ELFN1: variants seen among roughly 807,000 people sequenced by gnomAD.
ELFN1 encodes extracellular leucine rich repeat and fibronectin type III domain containing 1.
A neutral mutation model predicts 7.6 loss-of-function variants in ELFN1; 6 were observed. The observed-to-expected ratio is 0.79, with a 90% CI of 0.43 to 1.56. The LOEUF (loss-of-function observed/expected upper bound fraction) is 1.56, where lower values mean the gene tolerates loss of function less well. Among genes scored for constraint, ELFN1 ranks in the 40% most tolerant of loss-of-function variants. ELFN1 has a pLI of 0.01. For missense variants in ELFN1, 1,169 were observed against 1,232.2 expected (o/e 0.95, Z 0.77); for synonymous variants, 657 against 588.1 (o/e 1.12, Z -1.70).
intron 1 of ELFN1, among the ~76,000 whole-genome samples, chr7:1,680,972 C>G (rs1459043382): frequency 6.6e-6 from 1 of 152,016 alleles, no homozygotes; most frequent in Non-Finnish European, 1.5e-5. Context: ...GAACTCCTGA[C>G]CTCAGGTGAT....
chr7:1,729,238 C>T (rs1780273216), intron 3 of ELFN1, among the ~76,000 whole-genome samples: 1 of 152,234 alleles, frequency 6.6e-6, no homozygotes, highest in African/African-American at 2.4e-5. Context: ...GGGCTCCCCA[C>T]CCACTCCCTC....
chr7:1,666,964 C>T (rs996725943), upstream of ELFN1, among the ~76,000 whole-genome samples: 1 of 151,796 alleles, frequency 6.6e-6, no homozygotes, highest in Non-Finnish European at 1.5e-5. The surrounding 1 kb of genome is among the most constrained non-coding windows in gnomAD (Gnocchi z 7.9). Flanking sequence ...CTCTCCCGGT[C>T]CGGGAAGCTG....
chr7:1,720,548 C>T (rs1779987865), intron 3 of ELFN1, among the ~76,000 whole-genome samples: 1 of 152,208 alleles, frequency 6.6e-6, no homozygotes, highest in Non-Finnish European at 1.5e-5. Flanking sequence ...ATAACCGGGC[C>T]CCATCTAACC....
chr7:1,668,642 C>T (rs1013082960), upstream of ELFN1, among the ~76,000 whole-genome samples: 6 of 152,220 alleles, frequency 3.9e-5, no homozygotes, highest in African/African-American at 1.4e-4. Flanking sequence ...GGAGACCTCA[C>T]AGACAGGCAG....
rs536770487 is a variant in ELFN1 at position 1,747,249 on chromosome 7, C to G, written c.*166C>G. On this transcript the variant is annotated 3_prime_UTR_variant, in exon 4 of 4. Transcript: ENST00000424383. ...GGGGACAGACAAGGGGGACACGTCC[C>G]GAGCTCCTGTGGCCGGTCCTGGGAT... 1.3e-6 allele frequency: 1 copy of G among 784,662 alleles called. No individual in the cohort carries two copies. Among genetic ancestry groups the G allele is most frequent in the Non-Finnish European group, 1.9e-6 (1 of 538,276 alleles). The allele number at this position is 784,662 out of a possible 1,614,324, so 48.6% of individuals were successfully genotyped here.
At chr7:1,707,037 G>C (rs751764376) in intron 2 of ELFN1, among the ~76,000 whole-genome samples, 3 of 152,062 alleles carry the variant, frequency 2.0e-5, no homozygotes, top group Middle Eastern at 3.4e-3. Context: ...ATGTGTGCAC[G>C]CACATACATG....
intron 3 of ELFN1, among the ~76,000 whole-genome samples, chr7:1,721,325 A>G (rs543743492): frequency 1.3e-5 from 2 of 152,268 alleles, no homozygotes; most frequent in Admixed American, 6.5e-5. Context: ...CTCAGGGAAA[A>G]TCCCTTTCCC....
chr7:1,720,261 T>C (rs1428960724), intron 3 of ELFN1, among the ~76,000 whole-genome samples: 1 of 152,144 alleles, frequency 6.6e-6, no homozygotes, highest in Non-Finnish European at 1.5e-5. Flanking sequence ...CTGCCCTTAC[T>C]CCAGTGGGAA....
rs1004635979 is a variant in ELFN1 at position 1,705,499 on chromosome 7, G to C, written c.-455-3592G>C. On this transcript the variant is annotated intron_variant, in intron 2 of 3. Coordinates refer to ENST00000424383, the MANE Select transcript of ELFN1 (RefSeq NM_001128636.4). The surrounding 1 kb of genome is among the most constrained non-coding windows in gnomAD (Gnocchi z 4.3). Reference sequence around the variant, plus strand: ...GGGGAGTGAGTCCAGCGTGGCAGCCGCCACTGCCTGCCCGAGGGCACTGCT... The same window carrying C: ...GGGGAGTGAGTCCAGCGTGGCAGCCCCCACTGCCTGCCCGAGGGCACTGCT... 6.6e-6 allele frequency among the ~76,000 whole-genome samples: 1 copy of C among 152,192 alleles called. No homozygotes were observed. Among genetic ancestry groups the C allele is most frequent in the Admixed American group, 6.5e-5 (1 of 15,290 alleles).
intron 1 of ELFN1, among the ~76,000 whole-genome samples, chr7:1,680,262 C>T (rs921252492): frequency 5.3e-4 from 81 of 152,126 alleles, no homozygotes; most frequent in African/African-American, 1.4e-3. Context: ...AGGCAGATCA[C>T]GTAGGGGAAC....
At chr7:1,717,778 C>A (rs1162121632) in intron 3 of ELFN1, among the ~76,000 whole-genome samples, 1 of 152,050 alleles carries the variant, frequency 6.6e-6, no homozygotes, top group African/African-American at 2.4e-5. Flanking sequence ...TAGGGATGGC[C>A]AGGGTGGGGC....
At chr7:1,723,602 A>G (rs1180245129) in intron 3 of ELFN1, among the ~76,000 whole-genome samples, 3 of 152,224 alleles carry the variant, frequency 2.0e-5, no homozygotes, top group African/African-American at 7.2e-5. Flanking sequence ...ATTATAAACA[A>G]TGCTGTTATG....
intron 3 of ELFN1, among the ~76,000 whole-genome samples, chr7:1,725,283 A>G (rs1029498685): frequency 6.6e-5 from 10 of 152,248 alleles, no homozygotes; most frequent in African/African-American, 2.4e-4. Flanking sequence ...CTGCCCGGCC[A>G]GAATCCCGCC....
chr7:1,726,035 G>T (rs111327849), intron 3 of ELFN1, among the ~76,000 whole-genome samples: 2 of 151,660 alleles, frequency 1.3e-5, no homozygotes, highest in Non-Finnish European at 2.9e-5. Context: ...CACAACTTGC[G>T]CAAAAATCAC....
intron 2 of ELFN1, among the ~76,000 whole-genome samples, chr7:1,707,221 G>C (rs1029218221): frequency 6.6e-6 from 1 of 152,258 alleles, no homozygotes; most frequent in Non-Finnish European, 1.5e-5. Flanking sequence ...ATGTCTGGCT[G>C]TTCCGCTTTT....
At chr7:1,674,304 C>A (rs557982935) in intron 1 of ELFN1, among the ~76,000 whole-genome samples, 1 of 152,306 alleles carries the variant, frequency 6.6e-6, no homozygotes, top group East Asian at 1.9e-4. Context: ...CTTCCCCACC[C>A]ACATGGCTAG....
At chr7:1,685,983 A>G (rs1453440758) in intron 1 of ELFN1, among the ~76,000 whole-genome samples, 1 of 147,922 alleles carries the variant, frequency 6.8e-6, no homozygotes, top group African/African-American at 2.5e-5. Context: ...ATATAAATAT[A>G]TATTTATATT....
intron 1 of ELFN1, among the ~76,000 whole-genome samples, chr7:1,674,363 C>T (rs1235437959): frequency 6.6e-6 from 1 of 152,180 alleles, no homozygotes; most frequent in Non-Finnish European, 1.5e-5. Flanking sequence ...CTCAGGATCT[C>T]GGTTACTCAG....
At chr7:1,716,741 C>CT (rs1554252188) in intron 3 of ELFN1, among the ~76,000 whole-genome samples, 1 of 152,166 alleles carries the variant, frequency 6.6e-6, no homozygotes, top group Non-Finnish European at 1.5e-5. Context: ...CAGCCTCACC[C>CT]GGGAAACTGT....
Sources: allele counts gnomAD v4.1 joint callset (sites outside exome capture counted in the v4.1 genomes callset), GRCh38; gene constraint gnomAD v4.1.1; non-coding constraint Gnocchi (gnomAD v3.1); transcripts MANE v1.5; gene names NCBI Gene and HGNC (gene_info 2026-07-23, HGNC 2026-07-21).